Variants in HNRNPD observed in about 807,000 individuals in gnomAD.
HNRNPD encodes heterogeneous nuclear ribonucleoprotein D0.
A neutral mutation model predicts 47.9 loss-of-function variants in HNRNPD; 3 were observed. The ratio of observed to expected loss-of-function variants is 0.06; its 90% CI spans 0.03 to 0.16. HNRNPD has a LOEUF of 0.16. Ranked by LOEUF, HNRNPD falls within the 10% of genes least tolerant of loss-of-function variation. HNRNPD has a pLI of 1.00. For missense variants in HNRNPD, 287 were observed against 454.2 expected (o/e 0.63, Z 3.35); for synonymous variants, 171 against 165.1 (o/e 1.04, Z -0.28).
chr4:82,359,699 C>G, intron 2 of HNRNPD, 60 bp from the exon 3 acceptor site: 1 of 1,114,048 alleles, frequency 9.0e-7, no homozygotes. Context: ...ATATTATCCA[C>G]ATCAATAACA....
At chr4:82,359,704 A>G (rs1003628783) in intron 2 of HNRNPD, 65 bp from the exon 3 acceptor site, 31 of 1,050,580 alleles carry the variant, frequency 3.0e-5, no homozygotes, top group Non-Finnish European at 3.7e-5. Flanking sequence ...ATCCACATCA[A>G]TAACACACCT....
At position 82,357,024 on chromosome 4, in the gene HNRNPD, TATTA is replaced by T. The variant is rs1298044387; in HGVS notation, c.754-133_754-130del. 23 of 833,240 alleles carry T rather than the reference TATTA, an allele frequency of 2.8e-5. 1 individual carries two copies. Among genetic ancestry groups the T allele is most frequent in the Admixed American group, 1.0e-4 (5 of 48,006 alleles). 51.6% of individuals were successfully genotyped at this position (833,240 alleles called of 1,614,324 possible). ...AATTTGAAACTTTCCTCAGTCAGTT[TATTA>T]ATTAAACCAATATTTAGTACTTAAG... On this transcript the variant is annotated intron_variant, in intron 5 of 8. Coordinates refer to ENST00000313899, the MANE Select transcript of HNRNPD (RefSeq NM_031370.3).
chr4:82,363,370 A>G (rs187589925), intron 2 of HNRNPD, among the ~76,000 whole-genome samples: 3 of 152,278 alleles, frequency 2.0e-5, no homozygotes, highest in African/African-American at 7.2e-5. Context: ...ATGCCCGGCT[A>G]AATTATCTAC....
intron 2 of HNRNPD, among the ~76,000 whole-genome samples, chr4:82,361,632 A>G (rs1719442455): frequency 6.6e-6 from 1 of 152,258 alleles, no homozygotes; most frequent in African/African-American, 2.4e-5. Context: ...CCAAAAAGCA[A>G]TGTTTATATT....
Position 82,359,655 on chromosome 4 carries a change from G to A in HNRNPD, c.291-16C>T. 1.3e-6 allele frequency: 2 copies of A among 1,513,878 alleles called. No individual in the cohort carries two copies. Among genetic ancestry groups the A allele is most frequent in the Non-Finnish European group, 1.8e-6 (2 of 1,114,236 alleles). The allele number at this position is 1,513,878 out of a possible 1,614,324, so 93.8% of individuals were successfully genotyped here. A position where few individuals can be genotyped will look rare whatever the true frequency, so the allele number is the denominator to read the frequency against. ...AAACATTTTCCTGTAAAGACAAAAA[G>A]CAGTATTAAAATGCTTAAAAAAAAT... On this transcript the variant is annotated splice_polypyrimidine_tract_variant and intron_variant, in intron 2 of 8. Coordinates refer to ENST00000313899, the MANE Select transcript of HNRNPD (RefSeq NM_031370.3).
chr4:82,366,029 G>A (rs1035333119), intron 2 of HNRNPD, among the ~76,000 whole-genome samples: 1 of 151,980 alleles, frequency 6.6e-6, no homozygotes, highest in African/African-American at 2.4e-5. Flanking sequence ...CATCATTAAA[G>A]AATAGGTATT....
chr4:82,357,699 G>T, intron 4 of HNRNPD: 1 of 276,948 alleles, frequency 3.6e-6, no homozygotes, highest in Non-Finnish European at 6.7e-6. Context: ...CTAACTCAAG[G>T]GTCACAAATT....
chr4:82,363,048 G>GTGTGTGTGTATA (rs1198240906), intron 2 of HNRNPD, among the ~76,000 whole-genome samples: 1 of 145,456 alleles, frequency 6.9e-6, no homozygotes, highest in African/African-American at 2.6e-5. Context: ...GTGTGTGTGT[G>GTGTGTGTGTATA]TATATATATA....
rs1031720927 is a variant in HNRNPD at position 82,352,697 on chromosome 4, A to G, written c.*1488T>C. 40 of 152,212 alleles carry G rather than the reference A, an allele frequency of 2.6e-4. No homozygotes were observed. The highest frequency in any genetic ancestry group is 1.5e-3 in the Admixed American group (23 of 15,290). 9.4% of individuals were successfully genotyped at this position (152,212 alleles called of 1,614,324 possible). A position where few individuals can be genotyped will look rare whatever the true frequency, so the allele number is the denominator to read the frequency against. Reference sequence around the variant, plus strand: ...CCTAACTACTAAACTCTACCACTGTAACACAAAAGCAGCCATATACAAAAC... The same window carrying G: ...CCTAACTACTAAACTCTACCACTGTGACACAAAAGCAGCCATATACAAAAC... On this transcript the variant is annotated 3_prime_UTR_variant, in exon 9 of 9. Transcript: ENST00000313899.
At chr4:82,369,753 T>C (rs1242514084) in intron 2 of HNRNPD, among the ~76,000 whole-genome samples, 1 of 151,430 alleles carries the variant, frequency 6.6e-6, no homozygotes, top group Non-Finnish European at 1.5e-5. Flanking sequence ...CCTTAACGTC[T>C]GGAACAGGAT....
At chr4:82,371,999 A>G (rs2110005100) in intron 1 of HNRNPD, among the ~76,000 whole-genome samples, 1 of 152,240 alleles carries the variant, frequency 6.6e-6, no homozygotes, top group Middle Eastern at 3.4e-3. Context: ...TGGGCTTAAT[A>G]AACCCTATAT....
At position 82,353,323 on chromosome 4, in the gene HNRNPD, C is replaced by G. The variant is rs1228818713; in HGVS notation, c.*862G>C. On this transcript the variant is annotated 3_prime_UTR_variant, in exon 9 of 9. Coordinates refer to ENST00000313899, the MANE Select transcript of HNRNPD (RefSeq NM_031370.3). ...AATCATTCAAACAAATAAGCACACA[C>G]ACATAAACACGGTATATATTTCTTT... The G allele has an allele frequency of 6.6e-6, 1 of 152,146 alleles. No individual in the cohort carries two copies. The highest frequency in any genetic ancestry group is 1.5e-5 in the Non-Finnish European group (1 of 68,012). 9.4% of individuals were successfully genotyped at this position (152,146 alleles called of 1,614,324 possible). A position where few individuals can be genotyped will look rare whatever the true frequency, so the allele number is the denominator to read the frequency against.
chr4:82,372,076 G>T (rs1389469538), intron 1 of HNRNPD, among the ~76,000 whole-genome samples: 2 of 151,668 alleles, frequency 1.3e-5, no homozygotes, highest in African/African-American at 4.8e-5. Flanking sequence ...AAAGGAAATC[G>T]TGTTTTCTAA....
At chr4:82,357,542 G>GT in intron 4 of HNRNPD, 98 bp from the exon 5 acceptor site, 1 of 1,023,554 alleles carries the variant, frequency 9.8e-7, no homozygotes, top group Non-Finnish European at 1.4e-6. Context: ...AAGAAAACAT[G>GT]TATTTGGCAC....
At chr4:82,372,663 G>A (rs2110006100) in intron 1 of HNRNPD, among the ~76,000 whole-genome samples, 1 of 152,346 alleles carries the variant, frequency 6.6e-6, no homozygotes, top group East Asian at 1.9e-4. Flanking sequence ...GGGAAGGGTA[G>A]ATGCTAGGCC....
Position 82,369,581 on chromosome 4 carries a change from T to TATC in HNRNPD, c.290+1946_290+1947insGAT, listed in dbSNP as rs1719932748. On this transcript the variant is annotated intron_variant, in intron 2 of 8. Coordinates refer to ENST00000313899, the MANE Select transcript of HNRNPD (RefSeq NM_031370.3). ...AATAAATTCAATTTGGATACTCTAT[T>TATC]AACCAGTCTTACCCTCAATATTGAG... 3.3e-5 allele frequency among the ~76,000 whole-genome samples: 4 copies of TATC among 121,730 alleles called. No individual in the cohort carries two copies. In the South Asian group the frequency reaches 9.4e-4, roughly 29 times the overall value. 79.9% of individuals were successfully genotyped at this position (121,730 alleles called of 152,430 possible).
chr4:82,356,672 T>C lies in HNRNPD; in HGVS notation c.865A>G (p.Asn289Asp), dbSNP rs1205213115. 6.2e-7 allele frequency: 1 copy of C among 1,613,482 alleles called. No homozygotes were observed. The highest frequency in any genetic ancestry group is 8.5e-7 in the Non-Finnish European group (1 of 1,180,002). The part of the protein sequence containing the change: ...ARGRGGGPSQ[N>D]WNQGYSNYWN... Reference sequence around the variant, plus strand: ...TAGTTACTATATCCCTGGTTCCAGTTTTGACTGGGGCCTGCAGCACATTAA... The same window carrying C: ...TAGTTACTATATCCCTGGTTCCAGTCTTGACTGGGGCCTGCAGCACATTAA... The change falls in exon 7 of 9, where the codon AAC becomes GAC. Residue 289 changes from asparagine (N) to aspartate (D), a missense_variant. Transcript: ENST00000313899.
At chr4:82,358,888 C>A (rs1016988163) in intron 3 of HNRNPD, 68 bp from the exon 4 acceptor site, 11 of 1,167,014 alleles carry the variant, frequency 9.4e-6, no homozygotes, top group Non-Finnish European at 1.3e-5. Context: ...TATTAACTTA[C>A]TTAAAAATAA....
chr4:82,369,184 T>C (rs1275888907), intron 2 of HNRNPD, among the ~76,000 whole-genome samples: 5 of 152,180 alleles, frequency 3.3e-5, no homozygotes, highest in African/African-American at 1.2e-4. Context: ...ACTAAATAAT[T>C]TTAAAGTACC....
Sources: gnomAD v4.1 joint callset for allele counts (sites outside exome capture counted in the v4.1 genomes callset) on GRCh38, gnomAD v4.1.1 for gene constraint, MANE v1.5 for transcripts, NCBI Gene and HGNC (gene_info 2026-07-23, HGNC 2026-07-21) for gene names.